SHTN1: variants seen among roughly 807,000 people sequenced by gnomAD.
SHTN1 encodes the protein shootin-1.
Under a neutral mutation model 83.1 loss-of-function variants are expected in SHTN1, and 42 were observed. The ratio of observed to expected loss-of-function variants is 0.51; its 90% CI spans 0.39 to 0.65. The LOEUF is 0.65. SHTN1 is among the 30% of genes least tolerant of loss of function. The pLI is 0.00. For synonymous variants in SHTN1, 224 were observed against 247.7 expected, an observed-to-expected ratio of 0.90 and a Z score of 0.90; for missense variants, 622 against 737.8, an observed-to-expected ratio of 0.84 and a Z score of 1.82.
intron 1 of SHTN1, among the ~76,000 whole-genome samples, chr10:117,101,755 C>T (rs1199847015): frequency 6.6e-6 from 1 of 152,100 alleles, no homozygotes; most frequent in African/African-American, 2.4e-5. Flanking sequence ...ACGGTTGATT[C>T]AAATCATTTA....
chr10:116,951,435 A>G (rs975292848), intron 6 of SHTN1, among the ~76,000 whole-genome samples: 6 of 152,184 alleles, frequency 3.9e-5, no homozygotes, highest in African/African-American at 1.2e-4. Flanking sequence ...AAACAAAACA[A>G]AACACCAGAA....
In SHTN1 at chr10:116,927,836, A is replaced by T. The variant is rs1269953816; in HGVS notation, c.1068T>A (p.Pro356=). 5 of 1,607,856 alleles carry T rather than the reference A, an allele frequency of 3.1e-6. No homozygotes were observed. Among genetic ancestry groups the T allele is most frequent in the African/African-American group, 2.7e-5 (2 of 74,502 alleles). The change falls in exon 11 of 17, where the codon CCT becomes CCA. Residue 356 remains proline, a synonymous_variant. Coordinates refer to ENST00000355371, the MANE Select transcript of SHTN1 (RefSeq NM_001127211.3). ...GAGGGGGAAGTGGTGGTGGAGGAGG[A>T]GGTGGTGGAGGTACTGAATTCTCAG... ...NQSENSVPPP[P]PPPPPLPPPP... is the part of the protein sequence containing the mutation.
At chr10:116,934,749 T>A in intron 9 of SHTN1, among the ~76,000 whole-genome samples, 1 of 152,182 alleles carries the variant, frequency 6.6e-6, no homozygotes, top group East Asian at 1.9e-4. Context: ...AATCCATAAA[T>A]TACTCTGGGC....
At chr10:117,115,983 T>G (rs1853840269) in intron 1 of SHTN1, among the ~76,000 whole-genome samples, 1 of 152,040 alleles carries the variant, frequency 6.6e-6, no homozygotes, top group South Asian at 2.1e-4. Flanking sequence ...AGAGTGGAGA[T>G]AATTATAGAA....
At chr10:117,043,644 C>T (rs1386949288) in intron 2 of SHTN1, among the ~76,000 whole-genome samples, 1 of 151,806 alleles carries the variant, frequency 6.6e-6, no homozygotes, top group South Asian at 2.1e-4. Flanking sequence ...AGTTTGAGAC[C>T]AGTCTGGGCA....
chr10:116,943,159 T>C (rs7919600), intron 8 of SHTN1, among the ~76,000 whole-genome samples: 146,172 of 152,314 alleles, frequency 0.96, 70,436 homozygotes, highest in East Asian at 1. Context: ...ACTTCTACCT[T>C]CTCATTCTGG....
At chr10:116,955,840 A>G (rs1849961846) in intron 4 of SHTN1, among the ~76,000 whole-genome samples, 1 of 152,182 alleles carries the variant, frequency 6.6e-6, no homozygotes, top group Non-Finnish European at 1.5e-5. Context: ...CTTTATCCTC[A>G]GTCCCAGTCT....
chr10:116,970,557 T>C (rs1850579288), intron 2 of SHTN1, among the ~76,000 whole-genome samples: 1 of 151,906 alleles, frequency 6.6e-6, no homozygotes, highest in Admixed American at 6.6e-5. Flanking sequence ...CTACTAAAAA[T>C]ACAAAAGTTA....
upstream of SHTN1, among the ~76,000 whole-genome samples, chr10:117,009,589 G>A (rs1852071475): frequency 6.6e-6 from 1 of 152,014 alleles, no homozygotes; most frequent in African/African-American, 2.4e-5. Context: ...GGTTGATTCG[G>A]TAAGAATATA....
At chr10:117,061,254 C>A (rs1190519281) in intron 1 of SHTN1, among the ~76,000 whole-genome samples, 1 of 149,912 alleles carries the variant, frequency 6.7e-6, no homozygotes, top group Non-Finnish European at 1.5e-5. Context: ...TCAAGCAATT[C>A]TCCTGCCTCA....
At chr10:117,124,995 A>G (rs1334200660) in intron 1 of SHTN1, among the ~76,000 whole-genome samples, 3 of 152,170 alleles carry the variant, frequency 2.0e-5, no homozygotes, top group Non-Finnish European at 2.9e-5. Flanking sequence ...CTACTCTGCC[A>G]TGACCTGCCC....
intron 1 of SHTN1, among the ~76,000 whole-genome samples, chr10:117,105,364 A>C (rs1385516250): frequency 6.6e-6 from 1 of 152,226 alleles, no homozygotes; most frequent in South Asian, 2.1e-4. Context: ...TTGTAGTATA[A>C]AAAAGGCTTT....
At chr10:117,018,011 A>G (rs1852205488) in intron 2 of SHTN1, among the ~76,000 whole-genome samples, 1 of 152,236 alleles carries the variant, frequency 6.6e-6, no homozygotes, top group Non-Finnish European at 1.5e-5. Context: ...CTAAGACCAC[A>G]GAAAACATGG....
intron 1 of SHTN1, among the ~76,000 whole-genome samples, chr10:116,990,717 C>A (rs1417982744): frequency 1.3e-5 from 2 of 152,038 alleles, no homozygotes; most frequent in Non-Finnish European, 2.9e-5. Flanking sequence ...ACCCCATGGG[C>A]AGCTTTTGTT....
At chr10:117,095,248 ATTT>A (rs1159230515) in intron 1 of SHTN1, among the ~76,000 whole-genome samples, 6 of 152,216 alleles carry the variant, frequency 3.9e-5, no homozygotes, top group Non-Finnish European at 5.9e-5. Flanking sequence ...ACACACCTGC[ATTT>A]CATACCCTAA....
In SHTN1 at chr10:116,901,792, C is replaced by T. The variant is rs1847747954; in HGVS notation, c.1646G>A (p.Gly549Glu). Residue 549 changes from glycine to glutamate, a missense_variant, in exon 16 of 17, where the codon GGA becomes GAA. By Grantham distance (98) the Gly-to-Glu change is moderately conservative. Transcript: ENST00000355371. ...EPGEGPRKLE[G>E]CTSSKVTFQP... ...AAACGTAACCTTGGAACTTGTGCAT[C>T]CTTCCAATTTACGGGGCCCTTCACC... is the stretch of plus-strand genomic sequence containing the variant. 3 of 1,602,994 alleles carry T rather than the reference C, an allele frequency of 1.9e-6. No homozygotes were observed. Among genetic ancestry groups the T allele is most frequent in the Non-Finnish European group, 2.5e-6 (3 of 1,176,598 alleles).
rs141114736 is a variant in SHTN1 at position 116,937,584 on chromosome 10, C to T, written c.858+2882G>A. 7.1e-4 allele frequency among the ~76,000 whole-genome samples: 108 copies of T among 152,128 alleles called. No individual in the cohort carries two copies. The East Asian group carries it at 0.019, about 27-fold the overall frequency. ...GGGTAACCCAACCTTTCTCTCTGGC[C>T]GCCCTTAACATTTTTTCCTTCATTT... On this transcript the variant is annotated intron_variant, in intron 9 of 16. Transcript: ENST00000355371.
chr10:117,009,899 T>A (rs1852077909), upstream of SHTN1, among the ~76,000 whole-genome samples: 1 of 150,706 alleles, frequency 6.6e-6, no homozygotes, highest in Non-Finnish European at 1.5e-5. Context: ...TGAGACTGTC[T>A]CAAAAAAAAG....
At chr10:116,997,879 T>G (rs1268722407) in intron 1 of SHTN1, among the ~76,000 whole-genome samples, 5 of 152,086 alleles carry the variant, frequency 3.3e-5, no homozygotes, top group Admixed American at 2.6e-4. Context: ...GATCACGAGG[T>G]CAGGAGACCG....
Sources: allele counts gnomAD v4.1 joint callset (sites outside exome capture counted in the v4.1 genomes callset), GRCh38; gene constraint gnomAD v4.1.1; transcripts MANE v1.5; gene names NCBI Gene and HGNC (gene_info 2026-07-23, HGNC 2026-07-21).